IAPP: variants seen among roughly 807,000 people sequenced by gnomAD.
IAPP encodes Islet amyloid polypeptide (diabetes-associated peptide; amylin).
Under a neutral mutation model 2.9 loss-of-function variants are expected in IAPP, and 4 were observed. The ratio of observed to expected loss-of-function variants is 1.39; its 90% confidence interval spans 0.69 to 3.19. The LOEUF (loss-of-function observed/expected upper bound fraction) is 3.19, where lower values mean the gene tolerates loss of function less well. Among genes scored for constraint, IAPP ranks in the 30% most tolerant of loss-of-function variants. The pLI, the probability that IAPP is intolerant of heterozygous loss-of-function variation, is 0.01. For synonymous variants in IAPP, 40 were observed against 42.1 expected (o/e 0.95, Z 0.19); for missense variants, 114 against 105.3 (o/e 1.08, Z -0.36).
intron 1 of IAPP, among the ~76,000 whole-genome samples, chr12:21,364,229 A>C (rs545975478): frequency 2.0e-5 from 3 of 152,368 alleles, no homozygotes; most frequent in African/African-American, 7.2e-5. Flanking sequence ...CCTGGGATGC[A>C]AGGCTGGTTC....
chr12:21,357,415 T>TAC (rs1565513944), intron 1 of IAPP, among the ~76,000 whole-genome samples: 1 of 152,194 alleles, frequency 6.6e-6, no homozygotes, highest in Non-Finnish European at 1.5e-5. Context: ...GGAACAGCCC[T>TAC]CAGATAGAAC....
intron 2 of IAPP, chr12:21,376,425 A>T (rs1565522352): frequency 4.6e-6 from 1 of 217,388 alleles, no homozygotes; most frequent in Middle Eastern, 1.2e-3. Context: ...TTAAAGCATA[A>T]ATCACTCTTT....
intron 1 of IAPP, among the ~76,000 whole-genome samples, chr12:21,361,678 G>C (rs1156834901): frequency 6.6e-6 from 1 of 152,050 alleles, no homozygotes; most frequent in Non-Finnish European, 1.5e-5. Flanking sequence ...GTAGAGAAAA[G>C]ACAGTGTAGA....
At chr12:21,360,779 T>G (rs1220474172) in intron 1 of IAPP, among the ~76,000 whole-genome samples, 2 of 152,198 alleles carry the variant, frequency 1.3e-5, no homozygotes, top group African/African-American at 4.8e-5. Flanking sequence ...CCACGGAGGC[T>G]CGCTCACTGC....
intron 1 of IAPP, among the ~76,000 whole-genome samples, chr12:21,361,300 C>A (rs988291242): frequency 3.3e-5 from 5 of 152,176 alleles, no homozygotes; most frequent in Admixed American, 3.3e-4. Flanking sequence ...CCAGCAAACT[C>A]CAACAGACCT....
intron 2 of IAPP, among the ~76,000 whole-genome samples, chr12:21,377,944 A>G (rs1053161998): frequency 6.6e-5 from 10 of 152,190 alleles, no homozygotes; most frequent in African/African-American, 2.4e-4. Context: ...AATGTAAGAC[A>G]AAGACACTGT....
rs1294462614 is a variant in IAPP, at chr12:21,378,610, T to C, written c.*184T>C. On this transcript the variant is annotated 3_prime_UTR_variant, in exon 3 of 3. Coordinates refer to ENST00000240652, the MANE Select transcript of IAPP (RefSeq NM_000415.3). ...TAACTAAGGTCCCATAATAAAAAGA[T>C]AGTATCTTTTAAAATGAAATGTTTT... 1.1e-5 allele frequency: 6 copies of C among 533,542 alleles called. No homozygotes were observed. The highest frequency in any genetic ancestry group is 2.0e-5 in the Non-Finnish European group (6 of 302,092). The allele number at this position is 533,542 out of a possible 1,614,324, so 33.1% of individuals were successfully genotyped here. A position where few individuals can be genotyped will look rare whatever the true frequency, so the allele number is the denominator to read the frequency against.
Position 21,378,381 on chromosome 12 carries a change from A to C in IAPP, c.225A>C (p.Ala75=), listed in dbSNP as rs1940364820. Residue 75 remains alanine (A), a synonymous_variant, in exon 3 of 3, where the codon GCA becomes GCC. Transcript: ENST00000240652. ...CCAATACATATGGCAAGAGGAATGC[A>C]GTAGAGGTTTTAAAGAGAGAGCCAC... ...VGSNTYGKRN[A]VEVLKREPLN... 6.2e-7 allele frequency: 1 copy of C among 1,614,154 alleles called. No homozygotes were observed.
In IAPP at chr12:21,362,402, C is replaced by T. The variant is rs112846452; in HGVS notation, c.-16+7389C>T. Among the ~76,000 whole-genome samples the T allele has an allele frequency of 2.9e-3, 445 of 152,198 alleles. 3 individuals are homozygous for T. The highest frequency in any genetic ancestry group is 3.8e-3 in the Non-Finnish European group (259 of 68,014). On this transcript the variant is annotated intron_variant, in intron 1 of 2. Coordinates refer to the IAPP transcript ENST00000539393. ...CTTACAAGAGCTCCTTAAGGAAGCA[C>T]TAAACATGGAAAGGAACAACCGGTA...
At chr12:21,356,665 T>C (rs1472391141) in intron 1 of IAPP, among the ~76,000 whole-genome samples, 1 of 152,132 alleles carries the variant, frequency 6.6e-6, no homozygotes, top group Non-Finnish European at 1.5e-5. Context: ...TACATTTCTA[T>C]GCACCCAATG....
chr12:21,377,590 C>G (rs1202210560), intron 2 of IAPP, among the ~76,000 whole-genome samples: 5 of 152,104 alleles, frequency 3.3e-5, no homozygotes, highest in Non-Finnish European at 7.4e-5. Context: ...CCCTGATAAC[C>G]ACCATTCCAC....
intron 2 of IAPP, chr12:21,373,719 G>GA (rs1565521278): frequency 1.4e-6 from 1 of 700,266 alleles, no homozygotes; most frequent in Non-Finnish European, 2.6e-6. Context: ...CATGAAGCGG[G>GA]AAAAAAATCA....
At chr12:21,360,044 A>G (rs1174811851) in intron 1 of IAPP, among the ~76,000 whole-genome samples, 4 of 152,328 alleles carry the variant, frequency 2.6e-5, no homozygotes, top group African/African-American at 7.2e-5. Flanking sequence ...AAAAAGGAAT[A>G]CATGCTATAC....
In IAPP at chr12:21,377,182, G is replaced by T. The variant is rs938824810; in HGVS notation, c.81-1055G>T. Among the ~76,000 whole-genome samples, 11 of 152,164 alleles carry T rather than the reference G, an allele frequency of 7.2e-5. No individual in the cohort carries two copies. In the East Asian group the frequency reaches 2.1e-3, roughly 29 times the overall value. On this transcript the variant is annotated intron_variant, in intron 2 of 2. Transcript: ENST00000240652. ...AATATTAATACCATTGACATAAAAAGTCTTTTGGTTTTAACATTTAACCTA... is the reference window on the plus strand; with the variant it reads ...AATATTAATACCATTGACATAAAAATTCTTTTGGTTTTAACATTTAACCTA...
chr12:21,366,532 C>G (rs1365825152), intron 1 of IAPP, among the ~76,000 whole-genome samples: 1 of 151,560 alleles, frequency 6.6e-6, no homozygotes, highest in African/African-American at 2.4e-5. Context: ...TACCCTAGAA[C>G]CTTAAGTAAA....
chr12:21,355,284 T>G (rs1408613726), intron 1 of IAPP, among the ~76,000 whole-genome samples: 1 of 152,124 alleles, frequency 6.6e-6, no homozygotes, highest in Non-Finnish European at 1.5e-5. Context: ...CATCACTATT[T>G]CCTGAAGTAT....
At chr12:21,366,300 C>A (rs1320131381) in intron 1 of IAPP, among the ~76,000 whole-genome samples, 1 of 139,882 alleles carries the variant, frequency 7.1e-6, no homozygotes, top group Non-Finnish European at 1.5e-5. Flanking sequence ...ATCACAAGGA[C>A]AAAAAACCAA....
At chr12:21,361,833 G>A (rs541826484) in intron 1 of IAPP, among the ~76,000 whole-genome samples, 1 of 152,274 alleles carries the variant, frequency 6.6e-6, no homozygotes, top group Non-Finnish European at 1.5e-5. Context: ...AGGGAGAAGA[G>A]AAGTTTAGAG....
upstream of IAPP, among the ~76,000 whole-genome samples, chr12:21,370,115 TCAGA>T (rs1565519640): frequency 6.6e-6 from 1 of 152,180 alleles, no homozygotes; most frequent in African/African-American, 2.4e-5. Flanking sequence ...ATATCCTGGA[TCAGA>T]CAGATAAGAA....
Sources: allele counts gnomAD v4.1 joint callset (sites outside exome capture counted in the v4.1 genomes callset), GRCh38; gene constraint gnomAD v4.1.1; transcripts MANE v1.5; gene names NCBI Gene and HGNC (gene_info 2026-07-23, HGNC 2026-07-21).